The following DRAP1 variants were observed in gnomAD, a reference collection of about 807,000 sequenced individuals.
The protein encoded by DRAP1 is dr1-associated corepressor.
Under a neutral mutation model 24.1 loss-of-function variants are expected in DRAP1, and 10 were observed. The ratio of observed to expected loss-of-function variants is 0.41; its 90% CI spans 0.26 to 0.70. The LOEUF is 0.70. Ranked by LOEUF, DRAP1 falls within the 30% of genes least tolerant of loss-of-function variation. The pLI, the probability that DRAP1 is intolerant of heterozygous loss-of-function variation, is 0.29. For missense variants in DRAP1, 264 were observed against 275.6 expected, an observed-to-expected ratio of 0.96 and a Z score of 0.30; for synonymous variants, 122 against 113.8, an observed-to-expected ratio of 1.07 and a Z score of -0.46.
Position 65,920,616 on chromosome 11 carries a change from C to A in DRAP1, c.377C>A (p.Thr126Lys). The change falls in exon 5 of 7, where the codon ACG (threonine) becomes AAG (lysine). Residue 126 changes from threonine to lysine, a missense_variant. Coordinates refer to ENST00000312515, the MANE Select transcript of DRAP1 (RefSeq NM_006442.4). ...SGGRKNGGMG[T>K]KSKDKKLSGT... is the part of the protein sequence containing the mutation. ...GGCCGGAAGAACGGTGGGATGGGAA[C>A]GAAAAGCAAGGACAAGAAGCTGTCC... The A allele has an allele frequency of 6.5e-7, 1 of 1,548,016 alleles. No homozygotes were observed. The highest frequency in any genetic ancestry group is 1.7e-4 in the Middle Eastern group (1 of 5,854).
In DRAP1 at chr11:65,921,395, C is replaced by T. The variant is rs752385950; in HGVS notation, c.578C>T (p.Ser193Leu). 102 of 1,611,600 alleles carry T rather than the reference C, an allele frequency of 6.3e-5. No homozygotes were observed. The highest frequency in any genetic ancestry group is 8.1e-5 in the Non-Finnish European group (95 of 1,177,914). ...LPLPPAPPGP[S>L]APDEEDEEDY... is the part of the protein sequence containing the mutation. ...TTGCCCCCAGCGCCCCCGGGCCCCTCAGCACCTGATGAAGAGGACGAAGAA... is the reference window on the plus strand; with the variant it reads ...TTGCCCCCAGCGCCCCCGGGCCCCTTAGCACCTGATGAAGAGGACGAAGAA... Residue 193 changes from serine to leucine, a missense_variant, in exon 7 of 7, where the codon TCA (serine) becomes TTA (leucine). Around this residue, in one of 2 missense-constraint regions of DRAP1, gnomAD observed 243 missense variants for 233.6 expected, o/e 1.04. Transcript: ENST00000312515.
intron 3 of DRAP1, 116 bp downstream of exon 3, chr11:65,920,157 CCA>C (rs895388232): frequency 7.0e-7 from 1 of 1,436,694 alleles, no homozygotes; most frequent in Non-Finnish European, 9.5e-7. Context: ...ACCAGCAAGG[CCA>C]CAGACTGGCA....
At position 65,920,957 on chromosome 11, in the gene DRAP1, C is replaced by T. The variant is rs1133928; in HGVS notation, c.497C>T (p.Ser166Phe). 2.5e-6 allele frequency: 4 copies of T among 1,611,416 alleles called. No homozygotes were observed. Among genetic ancestry groups the T allele is most frequent in the African/African-American group, 2.7e-5 (2 of 74,854 alleles). The stretch of plus-strand genomic sequence containing the variant: ...CCCCCACCCCAGGCCAGCCACCCCT[C>T]TGCCCACTTTCAGAGGTGAGCAGCC... ...SQPPPQASHP[S>F]AHFQSPPTPF... Residue 166 changes from serine to phenylalanine, a missense_variant, in exon 6 of 7, where the codon TCT (serine) becomes TTT (phenylalanine). Around this residue, in one of 2 missense-constraint regions of DRAP1, gnomAD observed 243 missense variants for 233.6 expected, o/e 1.04. Transcript: ENST00000312515.
chr11:65,921,008 A>ACC, intron 6 of DRAP1, 36 bp downstream of exon 6: 1 of 1,516,234 alleles, frequency 6.6e-7, no homozygotes, highest in Non-Finnish European at 9.0e-7. Context: ...GTGCTGGCAG[A>ACC]CTCCCCAGAG....
chr11:65,920,099 G>GAGGA, intron 3 of DRAP1, 58 bp downstream of exon 3: 1 of 1,576,958 alleles, frequency 6.3e-7, no homozygotes. Flanking sequence ...TTCACACACT[G>GAGGA]AGGAAGGCAG....
At position 65,920,673 on chromosome 11, in the gene DRAP1, C is replaced by A; in HGVS notation, c.423+11C>A. The stretch of plus-strand genomic sequence containing the variant: ...GACTCGGAGCAGGAGGTGAGTGAGG[C>A]CCCAGCCCTTCGCCCTGCCCTTGGT... On this transcript the variant is annotated intron_variant, in intron 5 of 6. Transcript: ENST00000312515. 6.8e-7 allele frequency: 1 copy of A among 1,476,668 alleles called. No individual in the cohort carries two copies. Among genetic ancestry groups the A allele is most frequent in the Non-Finnish European group, 9.0e-7 (1 of 1,108,706 alleles). 91.5% of individuals were successfully genotyped at this position (1,476,668 alleles called of 1,614,324 possible).
Position 65,920,358 on chromosome 11 carries a change from G to A in DRAP1, c.225G>A (p.Glu75=), listed in dbSNP as rs1206966514. ...MTTSHLKQCI[E]LEQQFDFLKD... is the part of the protein sequence containing the mutation. ...CCTCTTCCAGGAAGCAGTGCATCGAGCTGGAGCAGCAGTTTGACTTCTTGA... is the reference window on the plus strand; with the variant it reads ...CCTCTTCCAGGAAGCAGTGCATCGAACTGGAGCAGCAGTTTGACTTCTTGA... Residue 75 remains glutamate (E), a synonymous_variant, in exon 4 of 7, where the codon GAG becomes GAA. Transcript: ENST00000312515. The A allele has an allele frequency of 2.5e-6, 4 of 1,613,982 alleles. No homozygotes were observed. Among genetic ancestry groups the A allele is most frequent in the Non-Finnish European group, 3.4e-6 (4 of 1,180,038 alleles).
intron 3 of DRAP1, 138 bp downstream of exon 3, chr11:65,920,179 C>T: frequency 7.0e-7 from 1 of 1,420,134 alleles, no homozygotes; most frequent in Non-Finnish European, 9.6e-7. Context: ...AGAGGAGAGG[C>T]TGGGCTTCCA....
At position 65,919,947 on chromosome 11, in the gene DRAP1, G is replaced by T; in HGVS notation, c.116-1G>T. 6.2e-7 allele frequency: 1 copy of T among 1,613,832 alleles called. No individual in the cohort carries two copies. The highest frequency in any genetic ancestry group is 8.5e-7 in the Non-Finnish European group (1 of 1,179,898). On this transcript the variant is annotated splice_acceptor_variant, in intron 2 of 6. Transcript: ENST00000312515. LOFTEE classifies it high-confidence loss of function. ...CCGGAGTTCTCCTTGACGCTCCTCA[G>T]CCCGGGCGCTCGAGCTCTTCCTAGA...
rs989514544 is a variant in DRAP1 at position 65,919,438 on chromosome 11, G to A, written c.-64G>A. The A allele has an allele frequency of 2.1e-5, 32 of 1,497,526 alleles. No individual in the cohort carries two copies. In the Admixed American group the frequency reaches 6.5e-4, roughly 30 times the overall value. The allele number at this position is 1,497,526 out of a possible 1,614,324, so 92.8% of individuals were successfully genotyped here. On this transcript the variant is annotated 5_prime_UTR_variant, in exon 1 of 7. Coordinates refer to ENST00000312515, the MANE Select transcript of DRAP1 (RefSeq NM_006442.4). Reference sequence around the variant, plus strand: ...AACCGCGACGGGCGGGCGGCGAGCAGGCCCGGGAGCCGGGAGGCTGCGGGC... The same window carrying A: ...AACCGCGACGGGCGGGCGGCGAGCAAGCCCGGGAGCCGGGAGGCTGCGGGC...
rs968425709 is a variant in DRAP1, at chr11:65,920,325, C to T, written c.210-18C>T. ...TCTGGGCCCCTCTTGAGTGCCAGCC[C>T]CTCCTCACCTCTTCCAGGAAGCAGT... On this transcript the variant is annotated intron_variant, in intron 3 of 6. Transcript: ENST00000312515. 18 of 1,613,690 alleles carry T rather than the reference C, an allele frequency of 1.1e-5. No homozygotes were observed. Among genetic ancestry groups the T allele is most frequent in the Non-Finnish European group, 1.4e-5 (16 of 1,179,984 alleles).
Position 65,921,525 on chromosome 11 carries a change from T to TAAA in DRAP1, c.*99_*101dup. The stretch of plus-strand genomic sequence containing the variant: ...AAGGTAGAGCTGTTCTTAAATTTAT[T>TAAA]AAAAAAAAAAATAAAAGGGAATCTC... On this transcript the variant is annotated 3_prime_UTR_variant, in exon 7 of 7. Coordinates refer to ENST00000312515, the MANE Select transcript of DRAP1 (RefSeq NM_006442.4). The TAAA allele has an allele frequency of 2.0e-6, 1 of 505,572 alleles. No individual in the cohort carries two copies. Among genetic ancestry groups the TAAA allele is most frequent in the Non-Finnish European group, 3.5e-6 (1 of 283,976 alleles). The allele number at this position is 505,572 out of a possible 1,614,324, so 31.3% of individuals were successfully genotyped here.
rs948023288 is a variant in DRAP1 at position 65,921,028 on chromosome 11, C to T, written c.512+56C>T. The T allele has an allele frequency of 1.4e-5, 19 of 1,347,702 alleles. No homozygotes were observed. In the African/African-American group the frequency reaches 2.2e-4, roughly 16 times the overall value. 83.5% of individuals were successfully genotyped at this position (1,347,702 alleles called of 1,614,324 possible). On this transcript the variant is annotated intron_variant, in intron 6 of 6. Coordinates refer to ENST00000312515, the MANE Select transcript of DRAP1 (RefSeq NM_006442.4). The stretch of plus-strand genomic sequence containing the variant: ...GGCAGACTCCCCAGAGCCAACTTAC[C>T]CCTCTTGTTCTCCCTGGCCCCTTGG...
At chr11:65,920,513 G>A (rs1207392735) in intron 4 of DRAP1, 51 bp downstream of exon 4, 5 of 1,611,812 alleles carry the variant, frequency 3.1e-6, no homozygotes, top group South Asian at 2.2e-5. Flanking sequence ...CACAGGGCTT[G>A]GGGGTGGCCA....
At position 65,921,355 on chromosome 11, in the gene DRAP1, G is replaced by A. The variant is rs777331540; in HGVS notation, c.538G>A (p.Ala180Thr). ...QSPPTPFLPF[A>T]STLPLPPAPP... ...CCCCCCGACACCCTTCCTGCCCTTC[G>A]CCTCTACTCTGCCTTTGCCCCCAGC... Residue 180 changes from alanine to threonine, a missense_variant, in exon 7 of 7, where the codon GCC becomes ACC. Ala to Thr is a moderately conservative substitution (Grantham distance 58). This residue lies in a region of DRAP1 where 243 missense variants were observed against 233.6 expected (regional missense o/e 1.04). Coordinates refer to ENST00000312515, the MANE Select transcript of DRAP1 (RefSeq NM_006442.4). The A allele has an allele frequency of 1.7e-5, 27 of 1,609,494 alleles. No individual in the cohort carries two copies. In the South Asian group the frequency reaches 2.4e-4, roughly 14 times the overall value.
chr11:65,921,113 G>A (rs1854545224), intron 6 of DRAP1, 141 bp downstream of exon 6: 3 of 716,760 alleles, frequency 4.2e-6, no homozygotes, highest in Admixed American at 3.0e-5. Context: ...GGGCTTGAAG[G>A]CAGGAGACTG....
Position 65,919,545 on chromosome 11 carries a change from T to C in DRAP1, c.42+2T>C, listed in dbSNP as rs111481652. 6.5e-7 allele frequency: 1 copy of C among 1,546,864 alleles called. No homozygotes were observed. Among genetic ancestry groups the C allele is most frequent in the Non-Finnish European group, 8.7e-7 (1 of 1,145,558 alleles). ...AAGTACAACGCGCGGTTCCCGCCGG[T>C]GAGCACGTGGCAGAGCCCGGCAGGA... On this transcript the variant is annotated splice_donor_variant, in intron 1 of 6. Transcript: ENST00000312515. LOFTEE classifies it high-confidence loss of function.
In DRAP1 at chr11:65,920,364, G is replaced by A. The variant is rs761626864; in HGVS notation, c.231G>A (p.Glu77=). Residue 77 remains glutamate, a synonymous_variant, in exon 4 of 7, where the codon GAG becomes GAA. Transcript: ENST00000312515. ...TSHLKQCIEL[E]QQFDFLKDLV... is the part of the protein sequence containing the mutation. ...CCAGGAAGCAGTGCATCGAGCTGGA[G>A]CAGCAGTTTGACTTCTTGAAGGACC... 1 of 1,614,138 alleles carries A rather than the reference G, an allele frequency of 6.2e-7. No individual in the cohort carries two copies. Among genetic ancestry groups the A allele is most frequent in the Non-Finnish European group, 8.5e-7 (1 of 1,180,030 alleles).
chr11:65,920,322 G>C, intron 3 of DRAP1, 21 bp from the exon 4 acceptor site: 1 of 1,613,732 alleles, frequency 6.2e-7, no homozygotes, highest in Non-Finnish European at 8.5e-7. Context: ...TTGAGTGCCA[G>C]CCCCTCCTCA....
Sources: gnomAD v4.1 joint callset for allele counts on GRCh38, gnomAD v4.1.1 for gene constraint, gnomAD v4.1.1 regional missense constraint, MANE v1.5 for transcripts, NCBI Gene and HGNC (gene_info 2026-07-23, HGNC 2026-07-21) for gene names.